The following CDH4 variants were observed in gnomAD, a reference collection of about 807,000 sequenced individuals.
CDH4 encodes cadherin 4, also known as cadherin-4.
CDH4 carries 33 observed loss-of-function variants against 86.0 expected under a neutral mutation model. The ratio of observed to expected loss-of-function variants is 0.38; its 90% CI spans 0.29 to 0.51. The LOEUF (loss-of-function observed/expected upper bound fraction) is 0.51, where lower values mean the gene tolerates loss of function less well. CDH4 is among the 20% of genes least tolerant of loss of function. The pLI is 0.86. For missense variants in CDH4, 1,114 were observed against 1,307.4 expected, an observed-to-expected ratio of 0.85 and a Z score of 2.28; for synonymous variants, 555 against 549.4, an observed-to-expected ratio of 1.01 and a Z score of -0.14.
chr20:61,464,781 C>T (rs2085463714), intron 2 of CDH4, among the ~76,000 whole-genome samples: 1 of 152,194 alleles, frequency 6.6e-6, no homozygotes, highest in Admixed American at 6.5e-5. Context: ...GTGGGCGCTC[C>T]TGCCAGCATC....
At chr20:61,454,547 G>T (rs1481912740) in intron 2 of CDH4, among the ~76,000 whole-genome samples, 1 of 152,144 alleles carries the variant, frequency 6.6e-6, no homozygotes, top group Non-Finnish European at 1.5e-5. Context: ...CCGGGTTCAC[G>T]CCATTCTCCT....
intron 2 of CDH4, among the ~76,000 whole-genome samples, chr20:61,486,751 T>C (rs951866831): frequency 6.6e-6 from 1 of 151,892 alleles, no homozygotes; most frequent in Non-Finnish European, 1.5e-5. Flanking sequence ...TAGCCAGTTA[T>C]GGTAGTATGT....
intron 2 of CDH4, among the ~76,000 whole-genome samples, chr20:61,723,729 A>G (rs1253076629): frequency 6.6e-6 from 1 of 152,086 alleles, no homozygotes; most frequent in East Asian, 1.9e-4. Context: ...CTTCTTATTT[A>G]CTCTAGAAAA....
At chr20:61,262,205 G>A (rs889150050) in intron 2 of CDH4, among the ~76,000 whole-genome samples, 6 of 152,288 alleles carry the variant, frequency 3.9e-5, no homozygotes, top group South Asian at 2.1e-4. Context: ...CAGCCGGGGC[G>A]GGGCTCCCTG....
At chr20:61,713,550 C>T (rs945607941) in intron 2 of CDH4, among the ~76,000 whole-genome samples, 1 of 152,240 alleles carries the variant, frequency 6.6e-6, no homozygotes, top group Admixed American at 6.5e-5. Flanking sequence ...GCCGTCTCCT[C>T]TGCTTATGTA....
At chr20:61,870,293 G>T (rs561207596) in intron 6 of CDH4, among the ~76,000 whole-genome samples, 30 of 152,316 alleles carry the variant, frequency 2.0e-4, no homozygotes, top group African/African-American at 7.0e-4. Context: ...ATGCACAAAA[G>T]ACCCTCGGGC....
intron 2 of CDH4, among the ~76,000 whole-genome samples, chr20:61,574,026 G>A (rs1204436196): frequency 1.3e-5 from 2 of 152,170 alleles, no homozygotes; most frequent in Non-Finnish European, 2.9e-5. Flanking sequence ...AAGCCCCACG[G>A]GCCTGCGAGT....
chr20:61,308,868 T>C (rs1456561968), intron 2 of CDH4, among the ~76,000 whole-genome samples: 1 of 152,214 alleles, frequency 6.6e-6, no homozygotes. Flanking sequence ...ACTTAAGCCC[T>C]GATCAAAGGG....
chr20:61,850,654 T>C (rs1301753381), intron 5 of CDH4, among the ~76,000 whole-genome samples: 1 of 152,240 alleles, frequency 6.6e-6, no homozygotes, highest in Admixed American at 6.5e-5. Flanking sequence ...CTATTCAAGA[T>C]GTTGCAGGAA....
At chr20:61,319,814 C>T (rs550895798) in intron 2 of CDH4, among the ~76,000 whole-genome samples, 4 of 151,548 alleles carry the variant, frequency 2.6e-5, no homozygotes, top group East Asian at 1.9e-4. Context: ...ATTAACCAGG[C>T]GTGGTGTCAG....
At chr20:61,307,578 C>T (rs2123216685) in intron 2 of CDH4, among the ~76,000 whole-genome samples, 1 of 152,364 alleles carries the variant, frequency 6.6e-6, no homozygotes, top group African/African-American at 2.4e-5. Flanking sequence ...GCAGGCTGGA[C>T]CTCGAAGAAG....
chr20:61,388,805 T>C (rs970220844), intron 2 of CDH4, among the ~76,000 whole-genome samples: 1 of 152,234 alleles, frequency 6.6e-6, no homozygotes, highest in African/African-American at 2.4e-5. Flanking sequence ...CAACATCTCT[T>C]AGAGCTGTTT....
chr20:61,372,074 T>G (rs1465505291), intron 2 of CDH4, among the ~76,000 whole-genome samples: 1 of 152,194 alleles, frequency 6.6e-6, no homozygotes, highest in Non-Finnish European at 1.5e-5. Context: ...TTGCTCCACA[T>G]TTGTCACCCA....
chr20:61,933,210 A>C (rs554667045), intron 14 of CDH4, 86 bp downstream of exon 14: 55 of 1,512,200 alleles, frequency 3.6e-5, no homozygotes, highest in Non-Finnish European at 4.8e-5. Context: ...CCTGGGGTTT[A>C]ACAGTAAGAC....
At chr20:61,771,419 T>TTTGAGAGC (rs1214990752) in intron 3 of CDH4, among the ~76,000 whole-genome samples, 3 of 150,218 alleles carry the variant, frequency 2.0e-5, no homozygotes, top group African/African-American at 7.3e-5. Flanking sequence ...AGGTCGGGAG[T>TTTGAGAGC]TTGAGAGCAG....
At chr20:61,689,107 C>CCTATTGCCACTGGACA (rs2087623248) in intron 2 of CDH4, among the ~76,000 whole-genome samples, 1 of 152,256 alleles carries the variant, frequency 6.6e-6, no homozygotes, top group Non-Finnish European at 1.5e-5. Context: ...TCACACCAGC[C>CCTATTGCCACTGGACA]CTATTGCCAC....
intron 2 of CDH4, among the ~76,000 whole-genome samples, chr20:61,398,708 A>G (rs1980159832): frequency 6.6e-6 from 1 of 152,246 alleles, no homozygotes. Flanking sequence ...AAATATCTTC[A>G]CCACCACATT....
intron 2 of CDH4, among the ~76,000 whole-genome samples, chr20:61,677,877 T>C (rs59126849): frequency 0.053 from 5,316 of 99,928 alleles, 338 homozygotes; most frequent in African/African-American, 0.18. Context: ...AGATGATGGA[T>C]AGATGATGGA....
At chr20:61,590,224 A>C in intron 2 of CDH4, among the ~76,000 whole-genome samples, 1 of 152,110 alleles carries the variant, frequency 6.6e-6, no homozygotes, top group Admixed American at 6.5e-5. Flanking sequence ...AGAGACAGGA[A>C]TGGATGGGGA....
Sources: gnomAD v4.1 joint callset for allele counts (sites outside exome capture counted in the v4.1 genomes callset) on GRCh38, gnomAD v4.1.1 for gene constraint, MANE v1.5 for transcripts, NCBI Gene and HGNC (gene_info 2026-07-23, HGNC 2026-07-21) for gene names.